FBXL13: variants seen among roughly 807,000 people sequenced by gnomAD.
FBXL13 encodes F-box and leucine-rich repeat protein 13.
In FBXL13, 67 loss-of-function variants were observed where a neutral mutation model predicts 83.6. That is an observed-to-expected ratio of 0.80 (90% CI 0.66 to 0.98). The LOEUF (loss-of-function observed/expected upper bound fraction) is 0.98, where lower values mean the gene tolerates loss of function less well. Among genes scored for constraint, FBXL13 ranks in the 50% least tolerant of loss-of-function variants. The pLI is 0.00. For synonymous variants in FBXL13, 272 were observed against 299.5 expected (o/e 0.91, Z 0.95); for missense variants, 822 against 866.5 (o/e 0.95, Z 0.64).
chr7:102,834,269 T>C (rs937997214), intron 17 of FBXL13, among the ~76,000 whole-genome samples: 3 of 150,688 alleles, frequency 2.0e-5, no homozygotes, highest in Admixed American at 2.0e-4. Flanking sequence ...CCTCTTAGAA[T>C]ACAAAGTTAG....
At chr7:102,992,983 C>A (rs1829738995) in intron 6 of FBXL13, among the ~76,000 whole-genome samples, 1 of 152,156 alleles carries the variant, frequency 6.6e-6, no homozygotes, top group Admixed American at 6.5e-5. Context: ...AATGTTCCAC[C>A]AAAAATCAAC....
Position 103,070,078 on chromosome 7 carries a change from C to CAA in FBXL13, c.-105+4166_-105+4167dup, listed in dbSNP as rs76010935. Reference sequence around the variant, plus strand: ...TGGGCGACAGTGCAAGACTCTGTCTCAAAAAAAAAAAAAAAAAAGAAATTA... The same window carrying CAA: ...TGGGCGACAGTGCAAGACTCTGTCTCAAAAAAAAAAAAAAAAAAAAGAAATTA... On this transcript the variant is annotated intron_variant, in intron 1 of 19. Coordinates refer to ENST00000313221, the Ensembl canonical transcript of FBXL13. 4.9e-3 allele frequency among the ~76,000 whole-genome samples: 330 copies of CAA among 67,192 alleles called. 2 individuals are homozygous for CAA. The highest frequency in any genetic ancestry group is 0.015 in the African/African-American group (298 of 20,040). 44.1% of individuals were successfully genotyped at this position (67,192 alleles called of 152,430 possible).
intron 11 of FBXL13, among the ~76,000 whole-genome samples, chr7:102,903,943 T>C (rs1031618212): frequency 8.2e-5 from 11 of 134,308 alleles, no homozygotes; most frequent in Admixed American, 1.4e-4. Flanking sequence ...TCTTTTCTTT[T>C]TTTTTTTTTT....
intron 1 of FBXL13, among the ~76,000 whole-genome samples, chr7:103,062,595 G>T (rs996170268): frequency 8.1e-5 from 12 of 148,874 alleles, no homozygotes; most frequent in African/African-American, 3.0e-4. Flanking sequence ...ATCTTCAGGT[G>T]ACTTAAAAAA....
At chr7:102,952,795 C>A (rs1412231440) in intron 8 of FBXL13, among the ~76,000 whole-genome samples, 2 of 152,060 alleles carry the variant, frequency 1.3e-5, no homozygotes, top group Non-Finnish European at 2.9e-5. Flanking sequence ...ACCACCCTGG[C>A]CAACATGGCA....
At chr7:102,981,942 G>T (rs1457320336) in intron 6 of FBXL13, among the ~76,000 whole-genome samples, 1 of 152,080 alleles carries the variant, frequency 6.6e-6, no homozygotes, top group Non-Finnish European at 1.5e-5. Flanking sequence ...GGTCCAAATG[G>T]GTCTGTAATC....
rs555432719 is a variant in FBXL13, at chr7:102,956,693, A to G, written c.724+6840T>C. On this transcript the variant is annotated intron_variant, in intron 8 of 19. Coordinates refer to ENST00000313221, the Ensembl canonical transcript of FBXL13. ...TAAGCAACTTCAGCAAAGTCTGAGG[A>G]CACAAAATCAATGTGCAAAAATCAC... 5.3e-5 allele frequency among the ~76,000 whole-genome samples: 8 copies of G among 152,352 alleles called. 2 individuals are homozygous for G. Among genetic ancestry groups the G allele is most frequent in the Admixed American group, 3.9e-4 (6 of 15,302 alleles).
intron 19 of FBXL13, 72 bp from the exon 21 acceptor site, chr7:102,813,603 A>C: frequency 6.7e-7 from 1 of 1,490,182 alleles, no homozygotes; most frequent in Non-Finnish European, 9.2e-7. Context: ...AACTCAACCA[A>C]ATTTGGAGTT....
chr7:102,903,254 C>T (rs191989719), intron 11 of FBXL13, among the ~76,000 whole-genome samples: 17 of 152,092 alleles, frequency 1.1e-4, no homozygotes, highest in African/African-American at 3.9e-4. Flanking sequence ...TACTAATTTT[C>T]GTAGGTCAAT....
At chr7:103,044,927 C>G (rs958807428) in intron 2 of FBXL13, among the ~76,000 whole-genome samples, 1 of 152,166 alleles carries the variant, frequency 6.6e-6, no homozygotes, top group African/African-American at 2.4e-5. Context: ...ATTCACTCGT[C>G]TTTAAGTAGA....
At chr7:102,871,925 C>T (rs1383069859) in intron 16 of FBXL13, among the ~76,000 whole-genome samples, 1 of 152,090 alleles carries the variant, frequency 6.6e-6, no homozygotes, top group Non-Finnish European at 1.5e-5. Flanking sequence ...CCTCCCTGCC[C>T]CCAGTCCTTC....
intron 7 of FBXL13, among the ~76,000 whole-genome samples, chr7:102,966,710 T>C (rs1434512833): frequency 6.6e-6 from 1 of 152,202 alleles, no homozygotes; most frequent in Non-Finnish European, 1.5e-5. Flanking sequence ...TGCTCCATCC[T>C]CCTATTTCTG....
At chr7:102,926,175 G>A (rs189590095) in intron 10 of FBXL13, 99 bp downstream of exon 11, 2 of 920,400 alleles carry the variant, frequency 2.2e-6, no homozygotes, top group East Asian at 2.7e-5. Flanking sequence ...GTGGTGGGGT[G>A]TTGATAAAGG....
intron 6 of FBXL13, among the ~76,000 whole-genome samples, chr7:102,991,060 A>C (rs1829511189): frequency 6.6e-6 from 1 of 152,238 alleles, no homozygotes; most frequent in Non-Finnish European, 1.5e-5. Context: ...TCAAGAGTAG[A>C]TGCCAGAAGA....
At chr7:102,934,601 C>T (rs536003329) in intron 8 of FBXL13, 8 of 1,613,644 alleles carry the variant, frequency 5.0e-6, no homozygotes, top group Non-Finnish European at 6.8e-6. Flanking sequence ...GTCAGGGAGA[C>T]CCCCAGTCAT....
At chr7:102,905,547 T>C (rs75591460) in intron 11 of FBXL13, among the ~76,000 whole-genome samples, 1 of 152,214 alleles carries the variant, frequency 6.6e-6, no homozygotes, top group Non-Finnish European at 1.5e-5. Context: ...TCAATGTATC[T>C]TGTTTTTTCA....
chr7:102,850,012 G>GA (rs879465262), intron 17 of FBXL13, among the ~76,000 whole-genome samples: 14 of 140,240 alleles, frequency 1.0e-4, no homozygotes, highest in East Asian at 2.1e-4. Flanking sequence ...TGTTTTTTTA[G>GA]AAAAAAAAAA....
intron 6 of FBXL13, among the ~76,000 whole-genome samples, chr7:102,985,874 T>C (rs1037596137): frequency 1.3e-5 from 2 of 152,138 alleles, no homozygotes; most frequent in African/African-American, 4.8e-5. Flanking sequence ...ACCCAAGTCT[T>C]TGTCTCATAA....
intron 11 of FBXL13, among the ~76,000 whole-genome samples, chr7:102,896,074 AAAG>A (rs2129462561): frequency 6.6e-6 from 1 of 152,346 alleles, no homozygotes; most frequent in East Asian, 1.9e-4. Flanking sequence ...GAAGAATAGA[AAAG>A]AAGCCAGAGT....
Sources: gnomAD v4.1 joint callset for allele counts (sites outside exome capture counted in the v4.1 genomes callset) on GRCh38, gnomAD v4.1.1 for gene constraint, MANE v1.5 for transcripts, NCBI Gene and HGNC (gene_info 2026-07-23, HGNC 2026-07-21) for gene names.